The following SLCO5A1 variants were observed in gnomAD, a reference collection of about 807,000 sequenced individuals.
SLCO5A1 encodes the protein solute carrier organic anion transporter family member 5A1, also known as organic anion transporter polypeptide-related protein 4.
In SLCO5A1, 39 loss-of-function variants were observed where a neutral mutation model predicts 65.1. The ratio of observed to expected loss-of-function variants is 0.60; its 90% CI spans 0.46 to 0.78. SLCO5A1 has a LOEUF of 0.78. SLCO5A1 is among the 30% of genes least tolerant of loss of function. SLCO5A1 has a pLI of 0.00. For missense variants in SLCO5A1, 1,029 were observed against 1,069.4 expected (o/e 0.96, Z 0.53); for synonymous variants, 438 against 415.7 (o/e 1.05, Z -0.65).
At chr8:69,675,359 T>C (rs62512218) in intron 9 of SLCO5A1, among the ~76,000 whole-genome samples, 20,564 of 151,724 alleles carry the variant, frequency 0.14, 1,476 homozygotes, top group Middle Eastern at 0.16. Flanking sequence ...GTATTTTTAG[T>C]AGAGATGGGG....
intron 5 of SLCO5A1, among the ~76,000 whole-genome samples, chr8:69,734,010 T>G (rs1361689891): frequency 6.7e-6 from 1 of 149,044 alleles, no homozygotes; most frequent in Non-Finnish European, 1.5e-5. Flanking sequence ...GGGAGAGCAC[T>G]GTGACACAGA....
chr8:69,740,246 A>G (rs1183130407), intron 4 of SLCO5A1, among the ~76,000 whole-genome samples: 2 of 152,176 alleles, frequency 1.3e-5, no homozygotes, highest in Admixed American at 6.6e-5. Context: ...ACAGCCCTCC[A>G]GGAGTTGGGG....
chr8:69,740,389 T>A (rs1816744888), intron 4 of SLCO5A1, among the ~76,000 whole-genome samples: 1 of 151,890 alleles, frequency 6.6e-6, no homozygotes, highest in Middle Eastern at 3.2e-3. Context: ...AAGAAGAGAG[T>A]TACAAATATG....
At chr8:69,709,886 T>C (rs992714296) in intron 5 of SLCO5A1, among the ~76,000 whole-genome samples, 4 of 152,162 alleles carry the variant, frequency 2.6e-5, no homozygotes, top group African/African-American at 4.8e-5. Flanking sequence ...ACTTGCACGG[T>C]TGCATGCTCC....
Position 69,832,002 on chromosome 8 carries a change from G to T in SLCO5A1, c.672C>A (p.Ile224=). Residue 224 remains isoleucine, a synonymous_variant, in exon 2 of 10, where the codon ATC becomes ATA. Coordinates refer to ENST00000260126, the MANE Select transcript of SLCO5A1 (RefSeq NM_030958.3). This position sits in a 1 kb window ranked among gnomAD's most constrained non-coding sequence, Gnocchi z 4.5. The part of the protein sequence containing the change: ...LPHFISPPYQ[I]QELNASAPND... ...TGGGGGCCGAGGCGTTCAACTCTTG[G>T]ATCTGGTAGGGGGGCGAGATGAAGT... 6.3e-7 allele frequency: 1 copy of T among 1,598,134 alleles called. No homozygotes were observed. The highest frequency in any genetic ancestry group is 8.5e-7 in the Non-Finnish European group (1 of 1,172,744).
At chr8:69,741,056 A>C (rs1307629313) in intron 4 of SLCO5A1, among the ~76,000 whole-genome samples, 1 of 152,054 alleles carries the variant, frequency 6.6e-6, no homozygotes, top group Non-Finnish European at 1.5e-5. Context: ...ACAAGGTGAC[A>C]CTCTGCTTTC....
At chr8:69,698,996 G>A (rs1814611397) in intron 6 of SLCO5A1, among the ~76,000 whole-genome samples, 1 of 152,152 alleles carries the variant, frequency 6.6e-6, no homozygotes, top group South Asian at 2.1e-4. Flanking sequence ...CAGGGAAAGA[G>A]GAAGATTCAG....
intron 2 of SLCO5A1, among the ~76,000 whole-genome samples, chr8:69,813,901 G>A (rs757429306): frequency 1.6e-4 from 25 of 152,246 alleles, no homozygotes; most frequent in African/African-American, 5.3e-4. Context: ...TTAGATCCTC[G>A]GCTTTGGAGG....
intron 4 of SLCO5A1, among the ~76,000 whole-genome samples, chr8:69,740,740 A>G (rs1194907242): frequency 6.6e-6 from 1 of 152,224 alleles, no homozygotes; most frequent in African/African-American, 2.4e-5. Flanking sequence ...TTGAACAAGA[A>G]AGCAAAAATG....
chr8:69,677,232 C>CT (rs924682600), intron 8 of SLCO5A1, among the ~76,000 whole-genome samples: 29 of 152,066 alleles, frequency 1.9e-4, no homozygotes, highest in African/African-American at 6.5e-4. Flanking sequence ...ATCTTTTTTT[C>CT]TTTTTTAAAA....
At chr8:69,785,061 AAAGG>A (rs916154995) in intron 2 of SLCO5A1, among the ~76,000 whole-genome samples, 1 of 151,108 alleles carries the variant, frequency 6.6e-6, no homozygotes, top group African/African-American at 2.4e-5. Context: ...AGAAAGGAAG[AAAGG>A]AAGGAAGGAA....
At chr8:69,821,173 A>C (rs572841545) in intron 2 of SLCO5A1, among the ~76,000 whole-genome samples, 2 of 150,222 alleles carry the variant, frequency 1.3e-5, no homozygotes, top group Admixed American at 1.3e-4. Flanking sequence ...AGCTCACTCT[A>C]CTTTTAGAAG....
rs141975835 is a variant in SLCO5A1, at chr8:69,675,397, G to A, written c.2089+1212C>T. On this transcript the variant is annotated intron_variant, in intron 9 of 9. Transcript: ENST00000260126. ...TCGTCACGTTGGCCAGGCTGGTCTC[G>A]AACTCCTGACCTCAGGTGATCCACT... Among the ~76,000 whole-genome samples, 993 of 152,050 alleles carry A rather than the reference G, an allele frequency of 6.5e-3. 13 individuals are homozygous for A. The highest frequency in any genetic ancestry group is 0.022 in the African/African-American group (915 of 41,468).
At chr8:69,830,460 T>C (rs1456928211) in intron 2 of SLCO5A1, among the ~76,000 whole-genome samples, 1 of 152,186 alleles carries the variant, frequency 6.6e-6, no homozygotes, top group Non-Finnish European at 1.5e-5. Context: ...CCCGAGTAGC[T>C]GGGACTACAG....
chr8:69,757,141 G>A (rs1817572412), intron 3 of SLCO5A1, among the ~76,000 whole-genome samples: 1 of 152,166 alleles, frequency 6.6e-6, no homozygotes, highest in South Asian at 2.1e-4. Context: ...CCTACAATTA[G>A]TCATTAATAA....
At chr8:69,818,307 T>A (rs1480382319) in intron 2 of SLCO5A1, among the ~76,000 whole-genome samples, 1 of 152,208 alleles carries the variant, frequency 6.6e-6, no homozygotes, top group Non-Finnish European at 1.5e-5. Flanking sequence ...AAGGGCCAAA[T>A]ATCTCTGGTC....
At chr8:69,745,447 G>A (rs898840909) in intron 4 of SLCO5A1, among the ~76,000 whole-genome samples, 2 of 151,908 alleles carry the variant, frequency 1.3e-5, no homozygotes, top group African/African-American at 4.8e-5. Flanking sequence ...GTGGGATGAG[G>A]ACTACTGCTT....
Position 69,832,919 on chromosome 8 carries a change from C to T in SLCO5A1, c.-246G>A. ...GGGGGCAGGGGTCCGCGCGGTACTG[C>T]GATGAGCCCTACTCGGCGTCCCTCT... On this transcript the variant is annotated 5_prime_UTR_variant, in exon 2 of 10. Coordinates refer to ENST00000260126, the MANE Select transcript of SLCO5A1 (RefSeq NM_030958.3). The surrounding 1 kb of genome is among the most constrained non-coding windows in gnomAD (Gnocchi z 4.5). The T allele has an allele frequency of 7.5e-6, 4 of 530,040 alleles. No homozygotes were observed. Among genetic ancestry groups the T allele is most frequent in the Admixed American group, 3.8e-5 (1 of 26,416 alleles). 32.8% of individuals were successfully genotyped at this position (530,040 alleles called of 1,614,324 possible). A position where few individuals can be genotyped will look rare whatever the true frequency, so the allele number is the denominator to read the frequency against.
chr8:69,755,126 AATT>A (rs1203075228), intron 4 of SLCO5A1, among the ~76,000 whole-genome samples: 2 of 152,146 alleles, frequency 1.3e-5, no homozygotes, highest in East Asian at 3.8e-4. Context: ...CATTTTTTTA[AATT>A]ATTATTTCTA....
Sources: allele counts gnomAD v4.1 joint callset (sites outside exome capture counted in the v4.1 genomes callset), GRCh38; gene constraint gnomAD v4.1.1; non-coding constraint Gnocchi (gnomAD v3.1); transcripts MANE v1.5; gene names NCBI Gene and HGNC (gene_info 2026-07-23, HGNC 2026-07-21).